BACH2: variants seen among roughly 807,000 people sequenced by gnomAD.
BACH2 encodes transcription regulator protein BACH2.
In BACH2, 5 loss-of-function variants were observed where a neutral mutation model predicts 61.8. That is an observed-to-expected ratio of 0.08 (90% CI 0.04 to 0.17). The LOEUF is 0.17. Among genes scored for constraint, BACH2 ranks in the 10% least tolerant of loss-of-function variants. The pLI, the probability that BACH2 is intolerant of heterozygous loss-of-function variation, is 1.00. For synonymous variants in BACH2, 446 were observed against 440.1 expected (o/e 1.01, Z -0.17); for missense variants, 824 against 1,091.1 (o/e 0.76, Z 3.45).
At chr6:90,162,743 C>G (rs1461427518) in intron 4 of BACH2, among the ~76,000 whole-genome samples, 1 of 152,160 alleles carries the variant, frequency 6.6e-6, no homozygotes, top group Non-Finnish European at 1.5e-5. Flanking sequence ...AAAGAATGAT[C>G]ATGATTTTCT....
intron 7 of BACH2, among the ~76,000 whole-genome samples, chr6:89,948,761 G>C (rs1011998216): frequency 6.6e-6 from 1 of 152,186 alleles, no homozygotes; most frequent in African/African-American, 2.4e-5. Context: ...TCTTCCCAAT[G>C]TCAGGGACAC....
chr6:89,971,806 G>A (rs537455767), intron 6 of BACH2, among the ~76,000 whole-genome samples: 1 of 152,228 alleles, frequency 6.6e-6, no homozygotes, highest in Non-Finnish European at 1.5e-5. Context: ...TCACTACCAG[G>A]AGAACAGTAT....
intron 6 of BACH2, among the ~76,000 whole-genome samples, chr6:89,963,916 C>A (rs1774895584): frequency 6.6e-6 from 1 of 152,158 alleles, no homozygotes; most frequent in Non-Finnish European, 1.5e-5. Flanking sequence ...CATGGATGAA[C>A]CTTGAGGACA....
At chr6:90,249,534 G>A (rs1237086404) in intron 3 of BACH2, among the ~76,000 whole-genome samples, 1 of 152,168 alleles carries the variant, frequency 6.6e-6, no homozygotes, top group East Asian at 1.9e-4. Flanking sequence ...ACTTTGGGAG[G>A]CCAAAGTGGG....
intron 5 of BACH2, among the ~76,000 whole-genome samples, chr6:90,016,903 T>C (rs1413833867): frequency 1.3e-5 from 2 of 152,086 alleles, no homozygotes; most frequent in Non-Finnish European, 2.9e-5. Context: ...CTCATCTTTG[T>C]TCCTCTGTAT....
chr6:90,283,536 C>T (rs560684845), intron 1 of BACH2, among the ~76,000 whole-genome samples: 132 of 151,976 alleles, frequency 8.7e-4, no homozygotes, highest in African/African-American at 3.0e-3. Flanking sequence ...CCACCATGCC[C>T]GGCTAATTTT....
intron 3 of BACH2, among the ~76,000 whole-genome samples, chr6:90,217,507 C>A (rs1285833015): frequency 6.6e-6 from 1 of 152,068 alleles, no homozygotes; most frequent in Non-Finnish European, 1.5e-5. Flanking sequence ...ATCAGGGTGA[C>A]TATTTTGAAA....
intron 3 of BACH2, among the ~76,000 whole-genome samples, chr6:90,216,927 AT>A (rs1378286235): frequency 6.6e-6 from 1 of 152,224 alleles, no homozygotes; most frequent in Non-Finnish European, 1.5e-5. Context: ...CAAAATGTCA[AT>A]AGTGCTGAGA....
rs148498612 is a variant in BACH2 at position 90,275,669 on chromosome 6, A to C, written c.-445-3728T>G. Among the ~76,000 whole-genome samples, 604 of 151,572 alleles carry C rather than the reference A, an allele frequency of 4.0e-3. 4 individuals carry two copies. The highest frequency in any genetic ancestry group is 0.013 in the African/African-American group (549 of 41,348). Reference sequence around the variant, plus strand: ...CCCCTCCTCCCACTCTCCACTCTCCAGTAGGCCCCAGTGCCTGTTGTTCTG... The same window carrying C: ...CCCCTCCTCCCACTCTCCACTCTCCCGTAGGCCCCAGTGCCTGTTGTTCTG... On this transcript the variant is annotated intron_variant, in intron 1 of 8. Coordinates refer to ENST00000257749, the MANE Select transcript of BACH2 (RefSeq NM_021813.4).
chr6:90,141,613 T>C (rs1303927499), intron 4 of BACH2, among the ~76,000 whole-genome samples: 2 of 150,330 alleles, frequency 1.3e-5, no homozygotes, highest in East Asian at 3.9e-4. Flanking sequence ...AAAACAACAA[T>C]AACAAAGACA....
chr6:90,283,268 C>T lies in BACH2; in HGVS notation c.-445-11327G>A, dbSNP rs142194827. On this transcript the variant is annotated intron_variant, in intron 1 of 8. Transcript: ENST00000257749. ...ACCAGTATTATTTATGTGCCACAAA[C>T]GTCTTTACCACTTTGGGCTTGTTTT... Among the ~76,000 whole-genome samples the T allele has an allele frequency of 1.5e-3, 226 of 152,286 alleles. 1 individual carries two copies. The highest frequency in any genetic ancestry group is 4.3e-3 in the African/African-American group (180 of 41,564).
At chr6:90,017,637 A>G (rs959254881) in intron 5 of BACH2, among the ~76,000 whole-genome samples, 5 of 152,144 alleles carry the variant, frequency 3.3e-5, no homozygotes, top group Admixed American at 3.3e-4. Flanking sequence ...TGTGGTCCTT[A>G]TCTCTAAAAG....
chr6:90,213,877 C>T (rs1036921673), intron 3 of BACH2, among the ~76,000 whole-genome samples: 1 of 152,132 alleles, frequency 6.6e-6, no homozygotes, highest in Non-Finnish European at 1.5e-5. Flanking sequence ...TCTTCTGATG[C>T]TTTAATGTCA....
chr6:90,295,452 CT>C (rs1772314415), intron 1 of BACH2, among the ~76,000 whole-genome samples: 1 of 152,110 alleles, frequency 6.6e-6, no homozygotes, highest in African/African-American at 2.4e-5. Context: ...TCGCTCCAGT[CT>C]CTCCCCTCGT....
chr6:90,064,182 A>G (rs555915441), intron 5 of BACH2, among the ~76,000 whole-genome samples: 2 of 152,334 alleles, frequency 1.3e-5, no homozygotes, highest in Admixed American at 6.5e-5. Context: ...ACAGAATGTG[A>G]TATGTGCCAT....
intron 6 of BACH2, among the ~76,000 whole-genome samples, chr6:89,998,188 G>A (rs1776954654): frequency 6.6e-6 from 1 of 150,568 alleles, no homozygotes; most frequent in African/African-American, 2.4e-5. Flanking sequence ...TTCCTCCCTT[G>A]GCCAACTTTT....
intron 3 of BACH2, among the ~76,000 whole-genome samples, chr6:90,220,774 C>T (rs545349605): frequency 6.6e-6 from 1 of 152,102 alleles, no homozygotes; most frequent in East Asian, 1.9e-4. Flanking sequence ...GCTTGACTGC[C>T]AAGAAAAACA....
intron 4 of BACH2, among the ~76,000 whole-genome samples, chr6:90,181,524 T>C (rs1768164295): frequency 2.6e-5 from 4 of 152,182 alleles, no homozygotes; most frequent in African/African-American, 9.7e-5. Flanking sequence ...TATGTACCTA[T>C]ATAAAATCAT....
At chr6:90,128,431 A>G (rs1192152729) in intron 4 of BACH2, among the ~76,000 whole-genome samples, 3 of 152,192 alleles carry the variant, frequency 2.0e-5, no homozygotes, top group Non-Finnish European at 2.9e-5. Flanking sequence ...AAATATAAAA[A>G]TTAGCTGGGT....
Sources: allele counts gnomAD v4.1 joint callset (sites outside exome capture counted in the v4.1 genomes callset), GRCh38; gene constraint gnomAD v4.1.1; transcripts MANE v1.5; gene names NCBI Gene and HGNC (gene_info 2026-07-23, HGNC 2026-07-21).